Variants in SNRK observed in about 807,000 individuals in gnomAD.
SNRK encodes SNF related kinase.
Under a neutral mutation model 48.2 loss-of-function variants are expected in SNRK, and 3 were observed. That is an observed-to-expected ratio of 0.06 (90% confidence interval 0.03 to 0.16). The LOEUF is 0.16. SNRK is among the 10% of genes least tolerant of loss of function. The pLI, the probability that SNRK is intolerant of heterozygous loss-of-function variation, is 1.00. For synonymous variants in SNRK, 376 were observed against 366.1 expected, an observed-to-expected ratio of 1.03 and a Z score of -0.31; for missense variants, 627 against 976.0, an observed-to-expected ratio of 0.64 and a Z score of 4.76.
At chr3:43,327,296 C>G (rs1198766734) in intron 3 of SNRK, among the ~76,000 whole-genome samples, 4 of 152,204 alleles carry the variant, frequency 2.6e-5, no homozygotes, top group African/African-American at 9.6e-5. Flanking sequence ...ACTTCTGAAA[C>G]AGTACTTGCT....
rs537132123 is a variant in SNRK, at chr3:43,347,326, ATC to A, written c.1080-11_1080-10del. The A allele has an allele frequency of 5.6e-4, 868 of 1,536,626 alleles. 2 individuals are homozygous for A. The highest frequency in any genetic ancestry group is 3.5e-3 in the African/African-American group (250 of 72,370). On this transcript the variant is annotated splice_polypyrimidine_tract_variant and intron_variant, in intron 6 of 6. Coordinates refer to ENST00000296088, the MANE Select transcript of SNRK (RefSeq NM_017719.5). The surrounding 1 kb of genome is among the most constrained non-coding windows in gnomAD (Gnocchi z 5.4). ...TATATGGCTTTTTTCCCCCCAATCT[ATC>A]TGTTACATAGGCAGTCATGGCCAAC...
intron 3 of SNRK, among the ~76,000 whole-genome samples, chr3:43,319,305 C>T (rs955908907): frequency 1.2e-4 from 18 of 152,128 alleles, no homozygotes; most frequent in African/African-American, 4.3e-4. Flanking sequence ...TTATTTTAAA[C>T]TCTGAAACCT....
At chr3:43,319,457 C>T (rs1363055301) in intron 3 of SNRK, among the ~76,000 whole-genome samples, 1 of 151,714 alleles carries the variant, frequency 6.6e-6, no homozygotes, top group African/African-American at 2.4e-5. Flanking sequence ...AGTAGGCATA[C>T]TATTTTGCTG....
chr3:43,305,933 G>A (rs1002595056), intron 3 of SNRK, among the ~76,000 whole-genome samples: 1 of 152,194 alleles, frequency 6.6e-6, no homozygotes, highest in African/African-American at 2.4e-5. Flanking sequence ...TAGGCTTTCA[G>A]CTGTATTGGT....
chr3:43,298,665 AT>A (rs1464196306), intron 1 of SNRK, among the ~76,000 whole-genome samples: 1 of 152,216 alleles, frequency 6.6e-6, no homozygotes, highest in East Asian at 1.9e-4. Context: ...TATAGTGTAA[AT>A]TATCATGTTG....
At chr3:43,314,213 T>G (rs1399799177) in intron 3 of SNRK, among the ~76,000 whole-genome samples, 3 of 152,340 alleles carry the variant, frequency 2.0e-5, no homozygotes, top group African/African-American at 7.2e-5. Context: ...TCATAATGCC[T>G]TAAAATCCTC....
At chr3:43,332,041 A>C (rs2091150462) in intron 3 of SNRK, 128 bp from the exon 4 acceptor site, 4 of 655,858 alleles carry the variant, frequency 6.1e-6, no homozygotes, top group South Asian at 8.8e-5. Context: ...CTTTTCCTTC[A>C]TGGATGTTTG....
intron 1 of SNRK, among the ~76,000 whole-genome samples, chr3:43,293,531 A>G (rs1559457810): frequency 6.6e-6 from 1 of 152,220 alleles, no homozygotes; most frequent in Non-Finnish European, 1.5e-5. Flanking sequence ...AGAAAAGCAT[A>G]AAGAGAAAAA....
In SNRK at chr3:43,343,441, A is replaced by G. The variant is rs199515297; in HGVS notation, c.1042A>G (p.Arg348Gly). 2.5e-6 allele frequency: 4 copies of G among 1,614,150 alleles called. No individual in the cohort carries two copies. Among genetic ancestry groups the G allele is most frequent in the Non-Finnish European group, 3.4e-6 (4 of 1,180,010 alleles). ...REKQEKEIQT[R>G]SASPSNIKAQ... Reference sequence around the variant, plus strand: ...AAAGCAAGAGAAAGAAATACAGACCAGATCTGCAAGCCCGAGCAATATCAA... The same window carrying G: ...AAAGCAAGAGAAAGAAATACAGACCGGATCTGCAAGCCCGAGCAATATCAA... The change falls in exon 6 of 7, where the codon AGA (arginine) becomes GGA (glycine). Residue 348 changes from arginine (R) to glycine (G), a missense_variant. Arg to Gly is a moderately radical substitution (Grantham distance 125, BLOSUM62 -2). Transcript: ENST00000296088.
chr3:43,341,386 C>T (rs906390280), intron 5 of SNRK, among the ~76,000 whole-genome samples: 1 of 152,116 alleles, frequency 6.6e-6, no homozygotes, highest in East Asian at 1.9e-4. Flanking sequence ...CTCCTGACCT[C>T]GTGATCCGCC....
chr3:43,299,925 C>A (rs115481173), intron 2 of SNRK, 110 bp downstream of exon 2: 62 of 151,710 alleles, frequency 4.1e-4, no homozygotes, highest in African/African-American at 1.3e-3. Flanking sequence ...CCTCAGAGAT[C>A]AAAAAAAATG....
intron 3 of SNRK, among the ~76,000 whole-genome samples, chr3:43,318,527 T>C (rs532126035): frequency 1.4e-5 from 2 of 139,866 alleles, no homozygotes; most frequent in Non-Finnish European, 3.1e-5. Context: ...CTTTAGGGAG[T>C]TGAAAATATT....
In SNRK at chr3:43,297,597, C is replaced by G. The variant is rs377558853; in HGVS notation, c.-168-2157C>G. Among the ~76,000 whole-genome samples, 6 of 151,864 alleles carry G rather than the reference C, an allele frequency of 4.0e-5. No homozygotes were observed. In the East Asian group the frequency reaches 1.2e-3, roughly 29 times the overall value. ...TTTTTTTTTCAAAATTCCTCCCCCC[C>G]TTTTTTACTAGTCTGTATGTTCTAA... On this transcript the variant is annotated intron_variant, in intron 1 of 6. Transcript: ENST00000296088.
Position 43,348,129 on chromosome 3 carries a change from C to T in SNRK, c.1870C>T (p.Arg624Cys), listed in dbSNP as rs777728432. ...GNPTNTSGTT[R>C]RCAGPSNSMQ... ...CCCCACCAATACATCGGGTACCACA[C>T]GCCGCTGTGCCGGCCCCAGCAACTC... is the stretch of plus-strand genomic sequence containing the variant. The change falls in exon 7 of 7, where the codon CGC (arginine) becomes TGC (cysteine). Residue 624 changes from arginine (R) to cysteine (C), a missense_variant. Physicochemically the swap from Arg to Cys is radical, Grantham distance 180. Around this residue, in one of 4 missense-constraint regions of SNRK, gnomAD observed 207 missense variants for 234.3 expected, o/e 0.88. Coordinates refer to ENST00000296088, the MANE Select transcript of SNRK (RefSeq NM_017719.5). The T allele has an allele frequency of 4.4e-6, 7 of 1,579,906 alleles. No homozygotes were observed. The highest frequency in any genetic ancestry group is 1.2e-5 in the South Asian group (1 of 85,076).
intron 3 of SNRK, among the ~76,000 whole-genome samples, chr3:43,305,678 G>T (rs2090932369): frequency 6.6e-6 from 1 of 151,778 alleles, no homozygotes; most frequent in South Asian, 2.1e-4. Context: ...GTAGAGACGG[G>T]GTTTCACCGT....
At chr3:43,315,287 G>A (rs2091006206) in intron 3 of SNRK, 1 of 151,874 alleles carries the variant, frequency 6.6e-6, no homozygotes, top group Admixed American at 6.5e-5. Context: ...AAGTTGTACA[G>A]AAATCAATAA....
Position 43,340,365 on chromosome 3 carries a change from G to A in SNRK, c.810G>A (p.Gln270=), listed in dbSNP as rs1283086815. 6.2e-7 allele frequency: 1 copy of A among 1,614,200 alleles called. No homozygotes were observed. Among genetic ancestry groups the A allele is most frequent in the Non-Finnish European group, 8.5e-7 (1 of 1,180,036 alleles). The part of the protein sequence containing the change: ...LEEIENHPWL[Q]GVDPSPATKY... ...AGATTGAAAATCATCCTTGGCTTCA[G>A]GGAGTGGACCCTTCACCAGCTACAA... Residue 270 remains glutamine, a synonymous_variant, in exon 5 of 7, where the codon CAG becomes CAA. Transcript: ENST00000296088.
chr3:43,345,451 GC>G (rs2091268117), intron 6 of SNRK, among the ~76,000 whole-genome samples: 1 of 152,190 alleles, frequency 6.6e-6, no homozygotes, highest in East Asian at 1.9e-4. Flanking sequence ...ACAGATACAT[GC>G]TCTGTGGCCA....
At chr3:43,328,207 C>T (rs1327817991) in intron 3 of SNRK, among the ~76,000 whole-genome samples, 1 of 151,736 alleles carries the variant, frequency 6.6e-6, no homozygotes, top group African/African-American at 2.4e-5. Flanking sequence ...CATTACACCC[C>T]CATCCCCCAT....
Sources: gnomAD v4.1 joint callset for allele counts (sites outside exome capture counted in the v4.1 genomes callset) on GRCh38, gnomAD v4.1.1 for gene constraint, gnomAD v4.1.1 regional missense constraint, Gnocchi (gnomAD v3.1) non-coding constraint, MANE v1.5 for transcripts, NCBI Gene and HGNC (gene_info 2026-07-23, HGNC 2026-07-21) for gene names.